MCM3AP: variants seen among roughly 807,000 people sequenced by gnomAD.
The protein encoded by MCM3AP is minichromosome maintenance complex component 3 associated protein, also known as germinal-center associated nuclear protein.
Under a neutral mutation model 184.1 loss-of-function variants are expected in MCM3AP, and 126 were observed. The ratio of observed to expected loss-of-function variants is 0.68; its 90% confidence interval spans 0.59 to 0.79. The LOEUF is 0.79. MCM3AP is among the 30% of genes least tolerant of loss of function. The probability of loss-of-function intolerance (pLI) is 0.00; values close to 1 mark genes in which losing one functional copy is unlikely to be tolerated. For synonymous variants in MCM3AP, 1,002 were observed against 979.3 expected (o/e 1.02, Z -0.43); for missense variants, 2,496 against 2,479.2 (o/e 1.01, Z -0.14).
At position 46,235,549 on chromosome 21, in the gene MCM3AP, G is replaced by T. The variant is rs1006253254; in HGVS notation, c.5785-123C>A. On this transcript the variant is annotated intron_variant, in intron 27 of 27. Coordinates refer to ENST00000291688, the MANE Select transcript of MCM3AP (RefSeq NM_003906.5). ...ATCTGAGTAGTCATTTATTTTTACAGAGGGAAAAAAATTATCCTTTGTATA... is the reference window on the plus strand; with the variant it reads ...ATCTGAGTAGTCATTTATTTTTACATAGGGAAAAAAATTATCCTTTGTATA... The T allele has an allele frequency of 1.9e-5, 15 of 779,574 alleles. No individual in the cohort carries two copies. In the African/African-American group the frequency reaches 2.3e-4, roughly 12 times the overall value. 48.3% of individuals were successfully genotyped at this position (779,574 alleles called of 1,614,324 possible). A position where few individuals can be genotyped will look rare whatever the true frequency, so the allele number is the denominator to read the frequency against.
intron 19 of MCM3AP, chr21:46,252,728 T>C (rs1470320249): frequency 1.3e-5 from 2 of 152,146 alleles, no homozygotes; most frequent in African/African-American, 2.4e-5. Flanking sequence ...AAAGGTGTTC[T>C]GGAATTATTA....
chr21:46,255,332 G>C (rs891764918), intron 17 of MCM3AP, among the ~76,000 whole-genome samples: 10 of 152,174 alleles, frequency 6.6e-5, no homozygotes, highest in African/African-American at 2.4e-4. Context: ...TGAGGGCAGC[G>C]AGGGAGGGGT....
rs1261517195 is a variant in MCM3AP at position 46,265,265 on chromosome 21, A to G, written c.3234+56T>C. The G allele has an allele frequency of 2.6e-6, 4 of 1,528,880 alleles. No homozygotes were observed. In the African/African-American group the frequency reaches 5.5e-5, roughly 21 times the overall value. 94.7% of individuals were successfully genotyped at this position (1,528,880 alleles called of 1,614,324 possible). Reference sequence around the variant, plus strand: ...CCACCTCATGGGGTGATGACTAAGGACGTTTGCGCACAATGGGCTTCCCAG... The same window carrying G: ...CCACCTCATGGGGTGATGACTAAGGGCGTTTGCGCACAATGGGCTTCCCAG... On this transcript the variant is annotated intron_variant, in intron 12 of 27. Transcript: ENST00000291688.
In MCM3AP at chr21:46,254,845, C is replaced by A. The variant is rs752203227; in HGVS notation, c.3933-1G>T. ...TGTCTTGTTTCTGAGCCGCCTTAAC[C>A]TGCAAAGGAAAGCAGAATGACAGTG... is the stretch of plus-strand genomic sequence containing the variant. On this transcript the variant is annotated splice_acceptor_variant, in intron 17 of 27. Transcript: ENST00000291688. LOFTEE classifies it high-confidence loss of function. The A allele has an allele frequency of 1.4e-5, 22 of 1,613,568 alleles. No individual in the cohort carries two copies. The highest frequency in any genetic ancestry group is 1.7e-4 in the Middle Eastern group (1 of 6,060).
At chr21:46,239,181 G>A (rs1317760400) in intron 26 of MCM3AP, among the ~76,000 whole-genome samples, 1 of 152,196 alleles carries the variant, frequency 6.6e-6, no homozygotes, top group Non-Finnish European at 1.5e-5. Flanking sequence ...GAGAGGAAAT[G>A]GGGGGCAGAT....
At chr21:46,259,904 CAAA>C (rs58993039) in intron 15 of MCM3AP, among the ~76,000 whole-genome samples, 1 of 80,254 alleles carries the variant, frequency 1.2e-5, no homozygotes. Flanking sequence ...AACTCCATTT[CAAA>C]AAAAAAAAAA....
Position 46,251,564 on chromosome 21 carries a change from C to T in MCM3AP, c.4255G>A (p.Gly1419Arg), listed in dbSNP as rs2080868716. 1 of 1,612,608 alleles carries T rather than the reference C, an allele frequency of 6.2e-7. No individual in the cohort carries two copies. Among genetic ancestry groups the T allele is most frequent in the Non-Finnish European group, 8.5e-7 (1 of 1,178,684 alleles). Residue 1419 changes from glycine (G) to arginine (R), a missense_variant, in exon 20 of 28, where the codon GGG (glycine) becomes AGG (arginine). Physicochemically the swap from Gly to Arg is moderately radical, Grantham distance 125. Transcript: ENST00000291688. ...ACGTTAACAGAAATCATCTGATCCC[C>T]TTTGCTGCTAAGTGAGTTGAAAAGC... Reference protein sequence around the residue: ...LSLFNSLSSKGDQMISVNVCI... With the variant: ...LSLFNSLSSKRDQMISVNVCI...
At position 46,275,335 on chromosome 21, in the gene MCM3AP, G is replaced by A. The variant is rs189190821; in HGVS notation, c.1859-10C>T. ...GTTCTCTTCACCCGAGCTAAATGACGTCAAGTAAAAGGTAAGAATGTACCA... is the reference window on the plus strand; with the variant it reads ...GTTCTCTTCACCCGAGCTAAATGACATCAAGTAAAAGGTAAGAATGTACCA... On this transcript the variant is annotated splice_polypyrimidine_tract_variant and intron_variant, in intron 5 of 27. Coordinates refer to ENST00000291688, the MANE Select transcript of MCM3AP (RefSeq NM_003906.5). 5.7e-5 allele frequency: 91 copies of A among 1,609,806 alleles called. No individual in the cohort carries two copies. The African/African-American group carries it at 9.4e-4, about 17-fold the overall frequency.
intron 18 of MCM3AP, 77 bp from the exon 19 acceptor site, chr21:46,254,603 G>C: frequency 6.4e-7 from 1 of 1,563,676 alleles, no homozygotes; most frequent in South Asian, 1.1e-5. Context: ...CTATGAGCAG[G>C]AAGGGGCAGG....
intron 22 of MCM3AP, 114 bp from the exon 23 acceptor site, chr21:46,245,311 G>T: frequency 1.1e-6 from 1 of 906,146 alleles, no homozygotes; most frequent in East Asian, 2.5e-5. Context: ...AGAGTACTGG[G>T]CTCTCAACTG....
chr21:46,244,182 G>A (rs1440635492), intron 23 of MCM3AP, among the ~76,000 whole-genome samples: 2 of 152,236 alleles, frequency 1.3e-5, no homozygotes, highest in Non-Finnish European at 2.9e-5. Flanking sequence ...GCCCAAAGGG[G>A]AGTGTCTGTG....
At position 46,285,112 on chromosome 21, in the gene MCM3AP, G is replaced by A. The variant is rs1460768479; in HGVS notation, c.175C>T (p.Pro59Ser). 1.2e-6 allele frequency: 2 copies of A among 1,614,086 alleles called. No individual in the cohort carries two copies. Among genetic ancestry groups the A allele is most frequent in the African/African-American group, 2.7e-5 (2 of 74,932 alleles). ...SSGFSQVSSF[P>S]ASSGVSHSSS... is the part of the protein sequence containing the mutation. The stretch of plus-strand genomic sequence containing the variant: ...GAATGACTTACTCCAGAAGACGCTG[G>A]AAAGCTGGATACCTGTGAAAATCCC... The change falls in exon 1 of 28, where the codon CCA (proline) becomes TCA (serine). Residue 59 changes from proline (P) to serine (S), a missense_variant. Coordinates refer to ENST00000291688, the MANE Select transcript of MCM3AP (RefSeq NM_003906.5).
chr21:46,237,100 A>ATTT (rs10552880), intron 26 of MCM3AP, 121 bp from the exon 27 acceptor site: 1,092 of 212,824 alleles, frequency 5.1e-3, no homozygotes, highest in Non-Finnish European at 6.6e-3. Context: ...ATTTTATATA[A>ATTT]TTTTTTTTTT....
chr21:46,272,446 C>T (rs897430964), intron 8 of MCM3AP, 115 bp downstream of exon 8: 1 of 1,116,230 alleles, frequency 9.0e-7, no homozygotes, highest in Admixed American at 2.3e-5. Context: ...ATCCCAACAT[C>T]TGCTACCAGA....
chr21:46,253,325 G>A (rs1821682168), intron 19 of MCM3AP: 1 of 152,172 alleles, frequency 6.6e-6, no homozygotes, highest in Non-Finnish European at 1.5e-5. Context: ...AATGAAGCAG[G>A]TCTATCAATG....
intron 16 of MCM3AP, 160 bp downstream of exon 16, chr21:46,258,779 C>A: frequency 1.6e-6 from 1 of 612,070 alleles, no homozygotes; most frequent in South Asian, 1.6e-5. Context: ...TTCTGAAATG[C>A]AGTATAATCC....
In MCM3AP at chr21:46,235,423, C is replaced by A. The variant is rs749288099; in HGVS notation, c.5788G>T (p.Asp1930Tyr). Residue 1930 changes from aspartate (D) to tyrosine (Y), a missense_variant, in exon 28 of 28, where the codon GAC becomes TAC. Around this residue, in one of 5 missense-constraint regions of MCM3AP, gnomAD observed 1,323 missense variants for 1,273.4 expected, o/e 1.04. Coordinates refer to ENST00000291688, the MANE Select transcript of MCM3AP (RefSeq NM_003906.5). Reference sequence around the variant, plus strand: ...AGCTGCAGTTGCTCCCTCATCATGTCACTCTATTTGAATAAAAAAGAAACT... The same window carrying A: ...AGCTGCAGTTGCTCCCTCATCATGTAACTCTATTTGAATAAAAAAGAAACT... ...KTSVTTSPQS[D>Y]MMREQLQLSE... 4.3e-6 allele frequency: 7 copies of A among 1,613,786 alleles called. No individual in the cohort carries two copies. The highest frequency in any genetic ancestry group is 1.7e-5 in the Admixed American group (1 of 59,986).
At chr21:46,265,796 C>CA (rs1366826661) in intron 11 of MCM3AP, 129 bp downstream of exon 11, 4 of 1,225,552 alleles carry the variant, frequency 3.3e-6, no homozygotes, top group Non-Finnish European at 4.5e-6. Flanking sequence ...CCCTGGGCCC[C>CA]AAGACAAGAC....
At chr21:46,251,429 A>T in intron 20 of MCM3AP, 100 bp downstream of exon 20, 1 of 987,622 alleles carries the variant, frequency 1.0e-6, no homozygotes, top group Non-Finnish European at 1.5e-6. Context: ...TTTCAAAACC[A>T]CATTAGGGAA....
Sources: allele counts gnomAD v4.1 joint callset (sites outside exome capture counted in the v4.1 genomes callset), GRCh38; gene constraint gnomAD v4.1.1; regional missense constraint gnomAD v4.1.1; transcripts MANE v1.5; gene names NCBI Gene and HGNC (gene_info 2026-07-23, HGNC 2026-07-21).